SLC9A9: variants seen among roughly 807,000 people sequenced by gnomAD.
SLC9A9 encodes the protein solute carrier family 9 member A9, also known as sodium/hydrogen exchanger 9.
Under a neutral mutation model 77.8 loss-of-function variants are expected in SLC9A9, and 62 were observed. That is an observed-to-expected ratio of 0.80 (90% CI 0.65 to 0.98). The LOEUF is 0.98. Ranked by LOEUF, SLC9A9 falls within the 50% of genes least tolerant of loss-of-function variation. The pLI is 0.00. For synonymous variants in SLC9A9, 320 were observed against 283.5 expected (o/e 1.13, Z -1.29); for missense variants, 775 against 774.9 (o/e 1.00, Z 0.00).
intron 4 of SLC9A9, among the ~76,000 whole-genome samples, chr3:143,744,030 C>T (rs568096855): frequency 3.9e-5 from 6 of 152,174 alleles, no homozygotes; most frequent in Admixed American, 1.3e-4. Context: ...ATGCAGGTGA[C>T]GAGCAGCTAA....
chr3:143,529,676 G>A (rs951811157), intron 9 of SLC9A9, among the ~76,000 whole-genome samples: 1 of 152,064 alleles, frequency 6.6e-6, no homozygotes, highest in African/African-American at 2.4e-5. Context: ...TGGCTTCTAG[G>A]GAGAGAGTTA....
chr3:143,607,755 G>T (rs968438837), intron 6 of SLC9A9, among the ~76,000 whole-genome samples: 1 of 151,560 alleles, frequency 6.6e-6, no homozygotes, highest in South Asian at 2.1e-4. Context: ...CCTAGAAAAA[G>T]CATTTACATT....
At chr3:143,830,746 TA>T (rs2009413817) in intron 2 of SLC9A9, among the ~76,000 whole-genome samples, 1 of 152,198 alleles carries the variant, frequency 6.6e-6, no homozygotes, top group Non-Finnish European at 1.5e-5. Flanking sequence ...CTAACAAGTT[TA>T]AAAAATATTT....
At chr3:143,844,043 A>G (rs2009770225) in intron 1 of SLC9A9, among the ~76,000 whole-genome samples, 2 of 152,308 alleles carry the variant, frequency 1.3e-5, no homozygotes, top group South Asian at 4.1e-4. Context: ...TAAGCTTCCT[A>G]TGACCCTTAA....
chr3:143,598,662 T>TGTTTTTCTGAA (rs1229295121), intron 6 of SLC9A9, among the ~76,000 whole-genome samples: 1 of 152,234 alleles, frequency 6.6e-6, no homozygotes, highest in Non-Finnish European at 1.5e-5. Context: ...GCTCAGTACT[T>TGTTTTTCTGAA]GTTTTTCTGA....
rs373695106 is a variant in SLC9A9, at chr3:143,268,951, C to G, written c.1634G>C (p.Gly545Ala). The change falls in exon 15 of 16, where the codon GGT becomes GCT. Residue 545 changes from glycine to alanine, a missense_variant. By Grantham distance (60) the Gly-to-Ala change is moderately conservative (BLOSUM62 0). Transcript: ENST00000316549. ...AGGTAATGTTGTAGTCAGCGGAGGA[C>G]CAGAGTGGGTTAAAATTGGTTTCAG... ...KYLKPILTHS[G>A]PPLTTTLPEW... The G allele has an allele frequency of 1.2e-6, 2 of 1,613,482 alleles. No individual in the cohort carries two copies. The highest frequency in any genetic ancestry group is 1.7e-6 in the Non-Finnish European group (2 of 1,179,712).
intron 4 of SLC9A9, among the ~76,000 whole-genome samples, chr3:143,697,286 A>G (rs1187292355): frequency 6.6e-6 from 1 of 152,142 alleles, no homozygotes; most frequent in Non-Finnish European, 1.5e-5. Context: ...ACATATAAAC[A>G]GAAAAAGTTA....
At chr3:143,635,899 T>C (rs1347400586) in intron 6 of SLC9A9, among the ~76,000 whole-genome samples, 2 of 152,268 alleles carry the variant, frequency 1.3e-5, no homozygotes. Flanking sequence ...GAGTTGTGAA[T>C]ACTTTCCTGT....
At chr3:143,446,086 T>TA (rs1212040108) in intron 12 of SLC9A9, among the ~76,000 whole-genome samples, 4 of 152,170 alleles carry the variant, frequency 2.6e-5, no homozygotes, top group East Asian at 3.9e-4. Flanking sequence ...TGTTTTATTT[T>TA]AAAAAATAAA....
chr3:143,623,472 G>A (rs138869540), intron 6 of SLC9A9, among the ~76,000 whole-genome samples: 4,786 of 152,192 alleles, frequency 0.031, 257 homozygotes, highest in African/African-American at 0.11. Flanking sequence ...ACTCAAAACC[G>A]CTCAACTACA....
intron 1 of SLC9A9, among the ~76,000 whole-genome samples, chr3:143,834,157 T>A (rs970084418): frequency 1.3e-5 from 2 of 152,206 alleles, no homozygotes; most frequent in Admixed American, 6.5e-5. Flanking sequence ...CTTCAGTGTT[T>A]GGCTGACTCC....
intron 12 of SLC9A9, among the ~76,000 whole-genome samples, chr3:143,423,230 C>T (rs554914387): frequency 4.2e-5 from 6 of 141,398 alleles, no homozygotes; most frequent in African/African-American, 8.0e-5. Context: ...CACACACACA[C>T]GTGTACACAC....
intron 4 of SLC9A9, among the ~76,000 whole-genome samples, chr3:143,753,693 A>G (rs1274673745): frequency 1.3e-5 from 2 of 152,126 alleles, no homozygotes; most frequent in African/African-American, 2.4e-5. Context: ...TGAGTGACTG[A>G]GCATGGAGGG....
At chr3:143,589,738 T>TA (rs2037615697) in intron 6 of SLC9A9, among the ~76,000 whole-genome samples, 1 of 152,184 alleles carries the variant, frequency 6.6e-6, no homozygotes, top group African/African-American at 2.4e-5. Flanking sequence ...CTCAGGGAGA[T>TA]TAAATCACTT....
intron 6 of SLC9A9, among the ~76,000 whole-genome samples, chr3:143,579,869 A>G (rs1298254205): frequency 1.3e-5 from 2 of 152,138 alleles, no homozygotes; most frequent in African/African-American, 4.8e-5. Flanking sequence ...AGGGGAACCA[A>G]CTCCAATGCT....
chr3:143,778,206 G>A (rs915997225), intron 4 of SLC9A9, among the ~76,000 whole-genome samples: 8 of 151,846 alleles, frequency 5.3e-5, no homozygotes, highest in South Asian at 2.1e-4. Flanking sequence ...TGGGAGCACC[G>A]AGCTCACAGA....
intron 5 of SLC9A9, among the ~76,000 whole-genome samples, chr3:143,670,136 G>A (rs752594369): frequency 2.0e-5 from 3 of 152,108 alleles, no homozygotes; most frequent in Non-Finnish European, 4.4e-5. Context: ...CCTATTCTGT[G>A]TCCATTTACT....
At chr3:143,736,507 T>C (rs141815734) in intron 4 of SLC9A9, among the ~76,000 whole-genome samples, 1 of 152,274 alleles carries the variant, frequency 6.6e-6, no homozygotes, top group East Asian at 1.9e-4. Flanking sequence ...AAGCAGATGT[T>C]TAGTAAACGT....
At chr3:143,646,778 T>C (rs1322091747) in intron 6 of SLC9A9, among the ~76,000 whole-genome samples, 1 of 152,204 alleles carries the variant, frequency 6.6e-6, no homozygotes, top group Non-Finnish European at 1.5e-5. Context: ...GTAAAAGTTT[T>C]ATCACTTTCC....
Sources: gnomAD v4.1 joint callset for allele counts (sites outside exome capture counted in the v4.1 genomes callset) on GRCh38, gnomAD v4.1.1 for gene constraint, MANE v1.5 for transcripts, NCBI Gene and HGNC (gene_info 2026-07-23, HGNC 2026-07-21) for gene names.